The following WNT9B variants were observed in gnomAD, a reference collection of about 807,000 sequenced individuals.
WNT9B encodes the protein Wnt family member 9B.
Under a neutral mutation model 30.2 loss-of-function variants are expected in WNT9B, and 12 were observed. The observed-to-expected ratio is 0.40, with a 90% CI of 0.26 to 0.64. The LOEUF (loss-of-function observed/expected upper bound fraction) is 0.64, where lower values mean the gene tolerates loss of function less well. Ranked by LOEUF, WNT9B falls within the 30% of genes least tolerant of loss-of-function variation. The pLI is 0.42. For synonymous variants in WNT9B, 218 were observed against 216.9 expected, an observed-to-expected ratio of 1.01 and a Z score of -0.05; for missense variants, 442 against 485.2, an observed-to-expected ratio of 0.91 and a Z score of 0.84.
rs2085371303 is a variant in WNT9B at position 46,877,965 on chromosome 17, T to C, written c.*1247T>C. Among the ~76,000 whole-genome samples, 1 of 152,206 alleles carries C rather than the reference T, an allele frequency of 6.6e-6. No homozygotes were observed. Among genetic ancestry groups the C allele is most frequent in the South Asian group, 2.1e-4 (1 of 4,828 alleles). ...TGACTTTGATAATTTCCTCAGATCC[T>C]GTGGACATTTTCAGCAGCACCTGCC... On this transcript the variant is annotated 3_prime_UTR_variant, in exon 4 of 4. Coordinates refer to ENST00000290015, the MANE Select transcript of WNT9B (RefSeq NM_003396.3).
chr17:46,868,411 G>C (rs1038905911), intron 1 of WNT9B, among the ~76,000 whole-genome samples: 1 of 152,092 alleles, frequency 6.6e-6, no homozygotes, highest in Non-Finnish European at 1.5e-5. Context: ...AGCCAACATG[G>C]CGAAACCCCA....
chr17:46,835,432 C>G (rs763684786), intron 1 of WNT9B, among the ~76,000 whole-genome samples: 1 of 152,154 alleles, frequency 6.6e-6, no homozygotes, highest in Admixed American at 6.5e-5. Context: ...AGGATGGTAT[C>G]GATCTCCTGA....
chr17:46,851,832 C>T lies in WNT9B; in HGVS notation c.77+117C>T. ...CTTGGCCCCGCCGAGGTCTCGAACT[C>T]AGACCCTAGCCCGGCGCGACCCAAC... On this transcript the variant is annotated intron_variant, in intron 1 of 3. Transcript: ENST00000290015. This position sits in a 1 kb window ranked among gnomAD's most constrained non-coding sequence, Gnocchi z 4.3. 4.2e-6 allele frequency: 2 copies of T among 479,614 alleles called. No individual in the cohort carries two copies. The highest frequency in any genetic ancestry group is 6.5e-6 in the Non-Finnish European group (2 of 306,006). The allele number at this position is 479,614 out of a possible 1,614,324, so 29.7% of individuals were successfully genotyped here.
In WNT9B at chr17:46,872,532, A is replaced by T; in HGVS notation, c.93A>T (p.Glu31Asp). 6.5e-7 allele frequency: 1 copy of T among 1,546,926 alleles called. No individual in the cohort carries two copies. Among genetic ancestry groups the T allele is most frequent in the Non-Finnish European group, 8.7e-7 (1 of 1,144,250 alleles). ...AASYFGLTGR[E>D]VLTPFPGLGT... ...CTCTCTCTAGCCTGACCGGGCGGGAAGTCCTGACGCCCTTCCCAGGATTGG... is the reference window on the plus strand; with the variant it reads ...CTCTCTCTAGCCTGACCGGGCGGGATGTCCTGACGCCCTTCCCAGGATTGG... The change falls in exon 2 of 4, where the codon GAA (glutamate) becomes GAT (aspartate). Residue 31 changes from glutamate (E) to aspartate (D), a missense_variant. Glu to Asp is a conservative substitution (Grantham distance 45). Transcript: ENST00000290015.
At chr17:46,855,759 T>G (rs2146552245) in intron 1 of WNT9B, among the ~76,000 whole-genome samples, 1 of 152,268 alleles carries the variant, frequency 6.6e-6, no homozygotes, top group South Asian at 2.1e-4. Flanking sequence ...AGTGCAATGG[T>G]GTGATCTCGG....
chr17:46,838,776 C>T (rs1003715183), intron 1 of WNT9B, among the ~76,000 whole-genome samples: 10 of 152,100 alleles, frequency 6.6e-5, no homozygotes, highest in South Asian at 2.1e-4. Flanking sequence ...CATAAAAATC[C>T]GGGTTTACAA....
rs1245388791 is a variant in WNT9B at position 46,872,788 on chromosome 17, T to TA, written c.334+16dup. ...GCTCAAGAGAGGTGGGGAGGAGGGC[T>TA]AGGGGACGGGGAGGGCTGGGGGAAG... On this transcript the variant is annotated intron_variant, in intron 2 of 3. Coordinates refer to ENST00000290015, the MANE Select transcript of WNT9B (RefSeq NM_003396.3). The TA allele has an allele frequency of 2.6e-6, 4 of 1,537,388 alleles. No homozygotes were observed. Among genetic ancestry groups the TA allele is most frequent in the Non-Finnish European group, 3.5e-6 (4 of 1,129,388 alleles).
At chr17:46,850,715 G>A, upstream of WNT9B, among the ~76,000 whole-genome samples, 1 of 152,190 alleles carries the variant, frequency 6.6e-6, no homozygotes, top group East Asian at 1.9e-4. Context: ...CACCTTCGCA[G>A]CAGAAATTGG....
At chr17:46,885,033 G>C, downstream of WNT9B, 2 of 438,994 alleles carry the variant, frequency 4.6e-6, no homozygotes, top group South Asian at 3.3e-5. Flanking sequence ...TTGTTGCGCA[G>C]GTTGGAGTGC....
At chr17:46,865,409 G>A (rs1026382844) in intron 1 of WNT9B, among the ~76,000 whole-genome samples, 4 of 152,134 alleles carry the variant, frequency 2.6e-5, no homozygotes, top group African/African-American at 9.7e-5. Context: ...TCTGAGTCAG[G>A]GATGGGTGGG....
At chr17:46,845,004 C>T (rs1398860852) in intron 1 of WNT9B, among the ~76,000 whole-genome samples, 5 of 152,166 alleles carry the variant, frequency 3.3e-5, no homozygotes, top group Admixed American at 3.3e-4. Context: ...TGCACCACCA[C>T]ACCTGGCTAA....
At chr17:46,846,513 A>G (rs2084777803) in intron 1 of WNT9B, among the ~76,000 whole-genome samples, 1 of 152,234 alleles carries the variant, frequency 6.6e-6, no homozygotes, top group East Asian at 1.9e-4. Flanking sequence ...CACAAAGTAC[A>G]GTTGTGCCAA....
intron 1 of WNT9B, among the ~76,000 whole-genome samples, chr17:46,855,949 A>G (rs2084930972): frequency 6.6e-6 from 1 of 152,108 alleles, no homozygotes; most frequent in Non-Finnish European, 1.5e-5. Flanking sequence ...TCAGCCTCCC[A>G]AACTGCTGGG....
chr17:46,840,211 C>T (rs568854807), intron 1 of WNT9B, among the ~76,000 whole-genome samples: 2 of 151,902 alleles, frequency 1.3e-5, no homozygotes, highest in South Asian at 2.1e-4. Context: ...CTTAGCCTCC[C>T]GAGTAGCTGG....
chr17:46,874,176 C>T (rs2085303945), intron 2 of WNT9B, among the ~76,000 whole-genome samples: 1 of 151,884 alleles, frequency 6.6e-6, no homozygotes, highest in Admixed American at 6.6e-5. Context: ...CAGGTTTGGG[C>T]CACACCCAGC....
chr17:46,851,162 C>T (rs962029621), upstream of WNT9B, among the ~76,000 whole-genome samples: 2 of 152,042 alleles, frequency 1.3e-5, no homozygotes, highest in African/African-American at 4.8e-5. This position sits in a 1 kb window ranked among gnomAD's most constrained non-coding sequence, Gnocchi z 4.3. Flanking sequence ...GACAATGACC[C>T]GGGTTTTCCA....
chr17:46,877,063 G>A lies in WNT9B; in HGVS notation c.*345G>A. The stretch of plus-strand genomic sequence containing the variant: ...CGGGAGAGAGGGGCTATTCCATCTT[G>A]CTTCCTGGGATGAATGGCTTGGAGC... On this transcript the variant is annotated 3_prime_UTR_variant, in exon 4 of 4. Coordinates refer to ENST00000290015, the MANE Select transcript of WNT9B (RefSeq NM_003396.3). 5 of 1,104,664 alleles carry A rather than the reference G, an allele frequency of 4.5e-6. No individual in the cohort carries two copies. Among genetic ancestry groups the A allele is most frequent in the Non-Finnish European group, 5.5e-6 (5 of 906,194 alleles). 68.4% of individuals were successfully genotyped at this position (1,104,664 alleles called of 1,614,324 possible).
intron 1 of WNT9B, among the ~76,000 whole-genome samples, chr17:46,860,816 GAGGT>G (rs2146566950): frequency 6.6e-6 from 1 of 152,316 alleles, no homozygotes; most frequent in African/African-American, 2.4e-5. Context: ...GGCAACCCAG[GAGGT>G]AGGTGCTGAT....
rs1568131498 is a variant in WNT9B, at chr17:46,875,369, G to A, written c.600+3G>A. On this transcript the variant is annotated splice_donor_region_variant and intron_variant, in intron 3 of 3. Coordinates refer to ENST00000290015, the MANE Select transcript of WNT9B (RefSeq NM_003396.3). ...ACAATACCCACGTGGGCATCAAGGTGAGCATGTCCCTGGCTGCCCGCAGTG... is the reference window on the plus strand; with the variant it reads ...ACAATACCCACGTGGGCATCAAGGTAAGCATGTCCCTGGCTGCCCGCAGTG... 11 of 1,594,174 alleles carry A rather than the reference G, an allele frequency of 6.9e-6. No individual in the cohort carries two copies. The highest frequency in any genetic ancestry group is 9.4e-6 in the Non-Finnish European group (11 of 1,167,314).
Sources: gnomAD v4.1 joint callset for allele counts (sites outside exome capture counted in the v4.1 genomes callset) on GRCh38, gnomAD v4.1.1 for gene constraint, Gnocchi (gnomAD v3.1) non-coding constraint, MANE v1.5 for transcripts, NCBI Gene and HGNC (gene_info 2026-07-23, HGNC 2026-07-21) for gene names.